Variants in TRHDE observed in about 807,000 individuals in gnomAD.
The protein encoded by TRHDE is thyrotropin releasing hormone degrading enzyme, also known as thyrotropin-releasing hormone-degrading ectoenzyme.
A neutral mutation model predicts 125.7 loss-of-function variants in TRHDE; 72 were observed. That is an observed-to-expected ratio of 0.57 (90% confidence interval 0.47 to 0.70). The LOEUF (loss-of-function observed/expected upper bound fraction) is 0.70. Ranked by LOEUF, TRHDE falls within the 30% of genes least tolerant of loss-of-function variation. The pLI, the probability that TRHDE is intolerant of heterozygous loss-of-function variation, is 0.00. For synonymous variants in TRHDE, 509 were observed against 509.1 expected, an observed-to-expected ratio of 1.00 and a Z score of 0.00; for missense variants, 1,110 against 1,327.1, an observed-to-expected ratio of 0.84 and a Z score of 2.54.
At chr12:72,509,987 G>A (rs935253477) in intron 6 of TRHDE, among the ~76,000 whole-genome samples, 1 of 152,156 alleles carries the variant, frequency 6.6e-6, no homozygotes, top group Non-Finnish European at 1.5e-5. Flanking sequence ...TTCCAGAGGG[G>A]AAAGAAAGAT....
chr12:72,353,369 G>C (rs911684339), intron 2 of TRHDE, among the ~76,000 whole-genome samples: 1 of 151,578 alleles, frequency 6.6e-6, no homozygotes, highest in African/African-American at 2.4e-5. Flanking sequence ...CAGGAAATAT[G>C]GAAGAAAAGT....
chr12:72,219,054 T>C (rs1227199805), intron 2 of TRHDE, among the ~76,000 whole-genome samples: 1 of 152,140 alleles, frequency 6.6e-6, no homozygotes, highest in East Asian at 1.9e-4. Context: ...GTCAAATGAA[T>C]TAAATGTAGA....
chr12:72,188,515 A>C (rs1347848706), intron 2 of TRHDE, among the ~76,000 whole-genome samples: 1 of 152,234 alleles, frequency 6.6e-6, no homozygotes, highest in African/African-American at 2.4e-5. Context: ...GTAAATTTAA[A>C]TGCCTTCAAG....
chr12:72,548,047 T>G (rs568954177), intron 7 of TRHDE, among the ~76,000 whole-genome samples: 1 of 151,840 alleles, frequency 6.6e-6, no homozygotes, highest in Non-Finnish European at 1.5e-5. Context: ...TCTGGTTTTG[T>G]CATTAAAATG....
chr12:72,662,976 A>AT, intron 18 of TRHDE, 76 bp from the exon 19 acceptor site: 2 of 1,429,688 alleles, frequency 1.4e-6, no homozygotes, highest in Non-Finnish European at 1.9e-6. Flanking sequence ...TTTCAAATAG[A>AT]TTCTTGTTCA....
chr12:72,131,005 G>C (rs1039572155), intron 2 of TRHDE, among the ~76,000 whole-genome samples: 9 of 150,890 alleles, frequency 6.0e-5, no homozygotes, highest in Non-Finnish European at 1.3e-4. Flanking sequence ...TTTCCCAAAA[G>C]TACAGTGCCT....
In TRHDE at chr12:72,578,988, T is replaced by TTTTG. The variant is rs1421418319; in HGVS notation, c.2321+3449_2321+3450insGTTT. ...TACACTTTCTTACTGTTTAGTGTTT[T>TTTTG]TTTTTTTTTTATGAACAGAAAGTCT... On this transcript the variant is annotated intron_variant, in intron 12 of 18. Coordinates refer to ENST00000261180, the MANE Select transcript of TRHDE (RefSeq NM_013381.3). Among the ~76,000 whole-genome samples, 4 of 151,552 alleles carry TTTTG rather than the reference T, an allele frequency of 2.6e-5. No homozygotes were observed. The East Asian group carries it at 7.7e-4, about 29-fold the overall frequency.
At chr12:72,099,142 CA>C (rs1327189086) in intron 1 of TRHDE, among the ~76,000 whole-genome samples, 2 of 150,782 alleles carry the variant, frequency 1.3e-5, no homozygotes, top group East Asian at 3.9e-4. Flanking sequence ...CCAGCCTGGG[CA>C]ACAGAGTGAG....
intron 3 of TRHDE, among the ~76,000 whole-genome samples, chr12:72,436,071 G>A (rs945227136): frequency 6.6e-5 from 10 of 151,998 alleles, no homozygotes; most frequent in African/African-American, 2.2e-4. Context: ...CTGTCCTTAG[G>A]TGTTTTATTA....
intron 3 of TRHDE, among the ~76,000 whole-genome samples, chr12:72,456,174 C>CAG (rs1423704711): frequency 2.8e-4 from 27 of 97,922 alleles, no homozygotes; most frequent in African/African-American, 9.1e-4. Context: ...CACACACACA[C>CAG]ACAGAGACTC....
intron 2 of TRHDE, among the ~76,000 whole-genome samples, chr12:72,330,486 C>A (rs984394318): frequency 6.6e-6 from 1 of 152,202 alleles, no homozygotes; most frequent in African/African-American, 2.4e-5. Flanking sequence ...AAGCTACTCT[C>A]ACGGCGATGG....
chr12:72,637,181 T>G (rs1288422198), intron 15 of TRHDE, among the ~76,000 whole-genome samples: 1 of 152,100 alleles, frequency 6.6e-6, no homozygotes, highest in African/African-American at 2.4e-5. Flanking sequence ...CAATTTCAGA[T>G]CCTGTTATTG....
At chr12:72,648,327 A>G (rs1245845847) in intron 15 of TRHDE, among the ~76,000 whole-genome samples, 4 of 152,128 alleles carry the variant, frequency 2.6e-5, no homozygotes, top group Admixed American at 6.6e-5. Flanking sequence ...CTTTTCCTCT[A>G]CAACCAAGAA....
In TRHDE at chr12:72,568,636, T is replaced by G. The variant is rs933393479; in HGVS notation, c.2111T>G (p.Ile704Ser). Residue 704 changes from isoleucine to serine, a missense_variant, in exon 10 of 19, where the codon ATT becomes AGT. By Grantham distance (142) the Ile-to-Ser change is moderately radical. Transcript: ENST00000261180. The part of the protein sequence containing the change: ...NRSHVSSEAI[I>S]WVSNKSEHHR... Reference sequence around the variant, plus strand: ...AGCCATGTGTCTTCAGAAGCAATTATTTGGGTGTCTAACAAATCAGGTAAA... The same window carrying G: ...AGCCATGTGTCTTCAGAAGCAATTAGTTGGGTGTCTAACAAATCAGGTAAA... 1 of 1,610,802 alleles carries G rather than the reference T, an allele frequency of 6.2e-7. No individual in the cohort carries two copies. The highest frequency in any genetic ancestry group is 8.5e-7 in the Non-Finnish European group (1 of 1,177,792).
chr12:72,391,764 A>G (rs10400535), intron 3 of TRHDE, among the ~76,000 whole-genome samples: 1,556 of 152,254 alleles, frequency 0.01, 40 homozygotes, highest in African/African-American at 0.035. Context: ...AAATGGTATG[A>G]AACTTGATGA....
intron 3 of TRHDE, among the ~76,000 whole-genome samples, chr12:72,456,774 A>C (rs1393287242): frequency 2.0e-5 from 3 of 152,202 alleles, no homozygotes; most frequent in Non-Finnish European, 2.9e-5. Flanking sequence ...TTAGGAGTAT[A>C]ACTTAGTGAT....
chr12:72,342,038 T>C (rs1257787063), intron 2 of TRHDE, among the ~76,000 whole-genome samples: 4 of 151,782 alleles, frequency 2.6e-5, no homozygotes, highest in Non-Finnish European at 4.4e-5. Context: ...GATACAAATA[T>C]GAGTAAAAAA....
At chr12:72,416,378 A>G (rs1873732544) in intron 3 of TRHDE, among the ~76,000 whole-genome samples, 1 of 152,008 alleles carries the variant, frequency 6.6e-6, no homozygotes, top group Admixed American at 6.6e-5. Context: ...TTTGCTGTGC[A>G]GAAGCTTTTT....
At chr12:72,226,315 C>T (rs1878127256) in intron 2 of TRHDE, among the ~76,000 whole-genome samples, 1 of 152,160 alleles carries the variant, frequency 6.6e-6, no homozygotes, top group South Asian at 2.1e-4. Flanking sequence ...GGAGAAACTG[C>T]TCATATTAGC....
Sources: allele counts gnomAD v4.1 joint callset (sites outside exome capture counted in the v4.1 genomes callset), GRCh38; gene constraint gnomAD v4.1.1; transcripts MANE v1.5; gene names NCBI Gene and HGNC (gene_info 2026-07-23, HGNC 2026-07-21).